Variants in FBXL13 observed in about 807,000 individuals in gnomAD.
FBXL13 encodes the protein F-box and leucine-rich repeat protein 13.
Under a neutral mutation model 83.6 loss-of-function variants are expected in FBXL13, and 67 were observed. That is an observed-to-expected ratio of 0.80 (90% CI 0.66 to 0.98). FBXL13 has a LOEUF of 0.98. FBXL13 is among the 50% of genes least tolerant of loss of function. The pLI is 0.00. For missense variants in FBXL13, 822 were observed against 866.5 expected (o/e 0.95, Z 0.64); for synonymous variants, 272 against 299.5 (o/e 0.91, Z 0.95).
At chr7:102,939,348 C>G in intron 8 of FBXL13, 1 of 1,206,532 alleles carries the variant, frequency 8.3e-7, no homozygotes, top group East Asian at 2.4e-5. Flanking sequence ...AGAGCTGATT[C>G]TTCAATCACA....
chr7:102,882,802 G>T (rs1810286832), intron 14 of FBXL13, among the ~76,000 whole-genome samples: 1 of 151,704 alleles, frequency 6.6e-6, no homozygotes, highest in Non-Finnish European at 1.5e-5. Context: ...CAAAAAAACA[G>T]AATTTGCTCC....
intron 2 of FBXL13, among the ~76,000 whole-genome samples, chr7:103,048,542 T>G (rs1374818202): frequency 1.3e-5 from 2 of 152,166 alleles, no homozygotes; most frequent in Non-Finnish European, 2.9e-5. Flanking sequence ...CAACCCCAAT[T>G]TTTAATAAAA....
intron 17 of FBXL13, among the ~76,000 whole-genome samples, chr7:102,849,917 G>C (rs1804891883): frequency 6.6e-6 from 1 of 151,930 alleles, no homozygotes; most frequent in Non-Finnish European, 1.5e-5. Flanking sequence ...TCAGAGTACA[G>C]GTCAATAGGT....
intron 6 of FBXL13, among the ~76,000 whole-genome samples, chr7:103,023,257 CAG>C (rs1256501042): frequency 6.6e-6 from 1 of 152,002 alleles, no homozygotes; most frequent in Non-Finnish European, 1.5e-5. Context: ...GCCTGAGCGA[CAG>C]AATGAGACTC....
At position 102,865,143 on chromosome 7, in the gene FBXL13, A is replaced by T. The variant is rs138764678; in HGVS notation, c.1636-10283T>A. Among the ~76,000 whole-genome samples, 89 of 152,316 alleles carry T rather than the reference A, an allele frequency of 5.8e-4. 1 individual carries two copies. The highest frequency in any genetic ancestry group is 7.7e-4 in the East Asian group (4 of 5,186). On this transcript the variant is annotated intron_variant, in intron 16 of 19. Coordinates refer to ENST00000313221, the Ensembl canonical transcript of FBXL13. ...TGTTGAGTGAATCAGTCTACCTATA[A>T]AATTATCTATTTATACGGACTCAAT...
chr7:103,038,805 C>T (rs1214059340), intron 2 of FBXL13, among the ~76,000 whole-genome samples: 1 of 152,182 alleles, frequency 6.6e-6, no homozygotes, highest in African/African-American at 2.4e-5. Flanking sequence ...CACCAAAACC[C>T]CATCTGTAGG....
intron 6 of FBXL13, among the ~76,000 whole-genome samples, chr7:103,018,543 C>G (rs928803031): frequency 1.3e-5 from 2 of 152,074 alleles, no homozygotes; most frequent in African/African-American, 2.4e-5. Flanking sequence ...TGGATAAAGA[C>G]TCAAGACCCA....
At chr7:103,010,229 C>T (rs930737327) in intron 6 of FBXL13, among the ~76,000 whole-genome samples, 2 of 151,994 alleles carry the variant, frequency 1.3e-5, no homozygotes, top group African/African-American at 4.8e-5. Flanking sequence ...CAGACAATGC[C>T]TGCTAGAGCT....
chr7:102,816,740 G>A (rs1053359543), intron 19 of FBXL13, among the ~76,000 whole-genome samples: 2 of 152,150 alleles, frequency 1.3e-5, no homozygotes, highest in South Asian at 2.1e-4. Context: ...TGCCCAGTAG[G>A]TACTTTGTTA....
At chr7:102,832,695 A>G in intron 18 of FBXL13, 145 bp downstream of exon 19, 2 of 996,388 alleles carry the variant, frequency 2.0e-6, no homozygotes, top group Admixed American at 6.0e-5. Flanking sequence ...GCTATTTCCA[A>G]TTTGAGGATA....
chr7:102,938,828 A>G (rs937484974), intron 8 of FBXL13, among the ~76,000 whole-genome samples: 4 of 152,214 alleles, frequency 2.6e-5, no homozygotes, highest in African/African-American at 7.2e-5. Context: ...TCTAAGCCAC[A>G]CTAGGAAAGC....
intron 6 of FBXL13, among the ~76,000 whole-genome samples, chr7:103,006,475 G>A (rs542041038): frequency 6.6e-6 from 1 of 152,098 alleles, no homozygotes; most frequent in Middle Eastern, 3.4e-3. Flanking sequence ...TGAATACTTG[G>A]GGCATTCAAT....
At chr7:102,821,039 T>C (rs1323216535) in intron 19 of FBXL13, among the ~76,000 whole-genome samples, 1 of 152,226 alleles carries the variant, frequency 6.6e-6, no homozygotes, top group Middle Eastern at 3.2e-3. Flanking sequence ...TGGCAAAATA[T>C]AATCAAAAAA....
At chr7:103,073,968 T>C (rs1401789440) in intron 1 of FBXL13, among the ~76,000 whole-genome samples, 6 of 152,138 alleles carry the variant, frequency 3.9e-5, no homozygotes, top group African/African-American at 1.4e-4. Context: ...CAACTATTTG[T>C]AGAGAAAAAA....
Position 102,995,259 on chromosome 7 carries a change from A to T in FBXL13, c.496-27142T>A, listed in dbSNP as rs960668117. The stretch of plus-strand genomic sequence containing the variant: ...CACTTTGGGAGGCCAAGGCGGGCAG[A>T]TCACGAGGTCAGGAGATCGAGACCA... On this transcript the variant is annotated intron_variant, in intron 6 of 19. Coordinates refer to ENST00000313221, the Ensembl canonical transcript of FBXL13. 2.0e-5 allele frequency among the ~76,000 whole-genome samples: 3 copies of T among 151,946 alleles called. No homozygotes were observed. The East Asian group carries it at 5.8e-4, about 29-fold the overall frequency.
intron 11 of FBXL13, among the ~76,000 whole-genome samples, chr7:102,890,329 G>T (rs1276368445): frequency 6.6e-6 from 1 of 152,136 alleles, no homozygotes; most frequent in African/African-American, 2.4e-5. Context: ...TCTGATTCCC[G>T]TTTGGTTGTA....
At chr7:103,068,021 A>T (rs1365862885) in intron 1 of FBXL13, among the ~76,000 whole-genome samples, 1 of 152,242 alleles carries the variant, frequency 6.6e-6, no homozygotes, top group South Asian at 2.1e-4. Flanking sequence ...AGATAAGTGG[A>T]TGAAGAAATG....
At chr7:102,986,453 T>G (rs933019754) in intron 6 of FBXL13, among the ~76,000 whole-genome samples, 2 of 152,294 alleles carry the variant, frequency 1.3e-5, no homozygotes, top group Admixed American at 1.3e-4. Context: ...AAGATCTGCC[T>G]TGAGGCCATG....
At chr7:102,874,720 C>A (rs1432018990) in intron 16 of FBXL13, among the ~76,000 whole-genome samples, 1 of 152,060 alleles carries the variant, frequency 6.6e-6, no homozygotes, top group Admixed American at 6.6e-5. Flanking sequence ...GTGCACATCA[C>A]CACACCCGGC....
Sources: allele counts gnomAD v4.1 joint callset (sites outside exome capture counted in the v4.1 genomes callset), GRCh38; gene constraint gnomAD v4.1.1; transcripts MANE v1.5; gene names NCBI Gene and HGNC (gene_info 2026-07-23, HGNC 2026-07-21).